The following ZBTB8B variants were observed in gnomAD, a reference collection of about 807,000 sequenced individuals.
ZBTB8B encodes the protein zinc finger and BTB domain containing 8B.
In ZBTB8B, 17 loss-of-function variants were observed where a neutral mutation model predicts 30.3. The observed-to-expected ratio is 0.56, with a 90% CI of 0.38 to 0.84. The LOEUF is 0.84. Among genes scored for constraint, ZBTB8B ranks in the 40% least tolerant of loss-of-function variants. ZBTB8B has a pLI of 0.00. For synonymous variants in ZBTB8B, 248 were observed against 255.6 expected, an observed-to-expected ratio of 0.97 and a Z score of 0.28; for missense variants, 515 against 644.9, an observed-to-expected ratio of 0.80 and a Z score of 2.18.
chr1:32,472,172 T>C (rs1282467600), intron 2 of ZBTB8B, among the ~76,000 whole-genome samples: 1 of 152,236 alleles, frequency 6.6e-6, no homozygotes, highest in African/African-American at 2.4e-5. Context: ...GCACCTGCTA[T>C]ATGCAGGGCA....
chr1:32,468,951 G>A (rs1412761786), intron 1 of ZBTB8B, among the ~76,000 whole-genome samples: 1 of 151,992 alleles, frequency 6.6e-6, no homozygotes, highest in Non-Finnish European at 1.5e-5. Context: ...GGACTTTGAG[G>A]GGTGGAGGCA....
chr1:32,489,933 G>C lies in ZBTB8B; in HGVS notation c.*4515G>C, dbSNP rs1643768494. 1 of 152,156 alleles carries C rather than the reference G, an allele frequency of 6.6e-6. No individual in the cohort carries two copies. The highest frequency in any genetic ancestry group is 2.4e-5 in the African/African-American group (1 of 41,438). 9.4% of individuals were successfully genotyped at this position (152,156 alleles called of 1,614,324 possible). ...TTGAATATTCCTTAAGGAAGCTGCT[G>C]ACCTAGTGTTCTGCAACATGTTATG... On this transcript the variant is annotated 3_prime_UTR_variant, in exon 4 of 4. Transcript: ENST00000609129.
At chr1:32,482,439 G>A (rs1226206721) in intron 3 of ZBTB8B, among the ~76,000 whole-genome samples, 4 of 152,002 alleles carry the variant, frequency 2.6e-5, no homozygotes, top group Non-Finnish European at 5.9e-5. Context: ...TTGGGAGGCT[G>A]AGGTGGGCAG....
rs1643564651 is a variant in ZBTB8B, at chr1:32,465,542, G to A, written c.-42+437G>A. Among the ~76,000 whole-genome samples the A allele has an allele frequency of 6.6e-6, 1 of 152,246 alleles. No individual in the cohort carries two copies. Among genetic ancestry groups the A allele is most frequent in the South Asian group, 2.1e-4 (1 of 4,832 alleles). ...AGCTGGTTCTGGTGGCCTCTCTGCA[G>A]GTCGTCTGATGCTGGACGGGGGAGG... On this transcript the variant is annotated intron_variant, in intron 1 of 3. Transcript: ENST00000609129. The surrounding 1 kb of genome is among the most constrained non-coding windows in gnomAD (Gnocchi z 4.1).
chr1:32,472,106 A>T (rs1222275028), intron 2 of ZBTB8B, among the ~76,000 whole-genome samples: 1 of 152,142 alleles, frequency 6.6e-6, no homozygotes, highest in Non-Finnish European at 1.5e-5. Context: ...TCTCATTATG[A>T]TCATCATCAG....
intron 1 of ZBTB8B, among the ~76,000 whole-genome samples, chr1:32,466,846 G>T (rs897548940): frequency 6.6e-6 from 1 of 151,964 alleles, no homozygotes; most frequent in Non-Finnish European, 1.5e-5. Context: ...TATCTACCTG[G>T]CTTACCAACT....
rs774958193 is a variant in ZBTB8B, at chr1:32,487,300, G to C, written c.*1882G>C. On this transcript the variant is annotated 3_prime_UTR_variant, in exon 4 of 4. Coordinates refer to ENST00000609129, the MANE Select transcript of ZBTB8B (RefSeq NM_001145720.2). ...ACAGAGAGGCCCTGTTCTGTAAACTGTTTTCTACCAGTCTGCTACAAGGAA... is the reference window on the plus strand; with the variant it reads ...ACAGAGAGGCCCTGTTCTGTAAACTCTTTTCTACCAGTCTGCTACAAGGAA... The C allele has an allele frequency of 3.3e-5, 5 of 152,188 alleles. No individual in the cohort carries two copies. The highest frequency in any genetic ancestry group is 2.4e-5 in the African/African-American group (1 of 41,450). 9.4% of individuals were successfully genotyped at this position (152,188 alleles called of 1,614,324 possible).
At position 32,486,918 on chromosome 1, in the gene ZBTB8B, C is replaced by T. The variant is rs1643750071; in HGVS notation, c.*1500C>T. Reference sequence around the variant, plus strand: ...AGAACAGGTTTTTAAAAGCAGTCTACCTTTCGCCCACTTTCCAGCCACACA... The same window carrying T: ...AGAACAGGTTTTTAAAAGCAGTCTATCTTTCGCCCACTTTCCAGCCACACA... On this transcript the variant is annotated 3_prime_UTR_variant, in exon 4 of 4. Transcript: ENST00000609129. 1 of 152,144 alleles carries T rather than the reference C, an allele frequency of 6.6e-6. No individual in the cohort carries two copies. Among genetic ancestry groups the T allele is most frequent in the Admixed American group, 6.5e-5 (1 of 15,270 alleles). 9.4% of individuals were successfully genotyped at this position (152,144 alleles called of 1,614,324 possible). A position where few individuals can be genotyped will look rare whatever the true frequency, so the allele number is the denominator to read the frequency against.
rs1268662120 is a variant in ZBTB8B at position 32,471,416 on chromosome 1, C to T, written c.792C>T (p.Ser264=). The change falls in exon 2 of 4, where the codon AGC becomes AGT. Residue 264 remains serine, a synonymous_variant. Transcript: ENST00000609129. ...NLAHVEEALP[S]GQAVDLAYSN... is the part of the protein sequence containing the mutation. ...CCCACGTGGAGGAGGCCTTGCCAAG[C>T]GGCCAGGCGGTTGACTTGGCTTACA... The T allele has an allele frequency of 2.6e-6, 4 of 1,551,826 alleles. No homozygotes were observed. Among genetic ancestry groups the T allele is most frequent in the East Asian group, 2.4e-5 (1 of 40,932 alleles).
chr1:32,484,464 G>A lies in ZBTB8B; in HGVS notation c.1171-637G>A, dbSNP rs1643729106. On this transcript the variant is annotated intron_variant, in intron 3 of 3. Coordinates refer to ENST00000609129, the MANE Select transcript of ZBTB8B (RefSeq NM_001145720.2). The surrounding 1 kb of genome is among the most constrained non-coding windows in gnomAD (Gnocchi z 4.5). The stretch of plus-strand genomic sequence containing the variant: ...TTCCAAGGTGTTCATAAGGGGTGAA[G>A]GGTTGATGATGGGCAGAAGGGAATG... Among the ~76,000 whole-genome samples the A allele has an allele frequency of 6.6e-6, 1 of 152,166 alleles. No individual in the cohort carries two copies.
At chr1:32,475,447 G>A (rs566375100) in intron 2 of ZBTB8B, among the ~76,000 whole-genome samples, 14 of 152,206 alleles carry the variant, frequency 9.2e-5, no homozygotes, top group East Asian at 7.8e-4. Context: ...TTAGCCAGGC[G>A]TGGTGGCGAG....
chr1:32,491,779 C>T lies in ZBTB8B; in HGVS notation c.*6361C>T, dbSNP rs935315545. Reference sequence around the variant, plus strand: ...GTCCAGATGCAGTTTACCAATTGGGCATCATGTCTACCATATGTAACATTG... The same window carrying T: ...GTCCAGATGCAGTTTACCAATTGGGTATCATGTCTACCATATGTAACATTG... On this transcript the variant is annotated 3_prime_UTR_variant, in exon 4 of 4. Coordinates refer to ENST00000609129, the MANE Select transcript of ZBTB8B (RefSeq NM_001145720.2). 3.3e-5 allele frequency: 5 copies of T among 152,208 alleles called. No individual in the cohort carries two copies. Among genetic ancestry groups the T allele is most frequent in the African/African-American group, 1.2e-4 (5 of 41,440 alleles). The allele number at this position is 152,208 out of a possible 1,614,324, so 9.4% of individuals were successfully genotyped here. A position where few individuals can be genotyped will look rare whatever the true frequency, so the allele number is the denominator to read the frequency against.
intron 1 of ZBTB8B, 82 bp from the exon 2 acceptor site, chr1:32,470,499 CAAA>C (rs60700558): frequency 0.03 from 10,536 of 346,352 alleles, no homozygotes; most frequent in South Asian, 0.058. Context: ...GACGCTGACT[CAAA>C]AAAAAAAAAA....
chr1:32,494,647 T>G lies in ZBTB8B; in HGVS notation c.*9229T>G, dbSNP rs1374967205. 6.6e-6 allele frequency: 1 copy of G among 152,184 alleles called. No homozygotes were observed. Among genetic ancestry groups the G allele is most frequent in the African/African-American group, 2.4e-5 (1 of 41,436 alleles). 9.4% of individuals were successfully genotyped at this position (152,184 alleles called of 1,614,324 possible). On this transcript the variant is annotated 3_prime_UTR_variant, in exon 4 of 4. Coordinates refer to ENST00000609129, the MANE Select transcript of ZBTB8B (RefSeq NM_001145720.2). ...ACCATGGAACACACTCACACTCACA[T>G]ACACACAAAAGGCAAATTAAAATAT... is the stretch of plus-strand genomic sequence containing the variant.
chr1:32,485,198 G>C lies in ZBTB8B; in HGVS notation c.1268G>C (p.Ser423Thr). The change falls in exon 4 of 4, where the codon AGC (serine) becomes ACC (threonine). Residue 423 changes from serine to threonine, a missense_variant. Physicochemically the swap from Ser to Thr is moderately conservative, Grantham distance 58 (BLOSUM62 1). This residue lies in a region of ZBTB8B where 429 missense variants were observed against 504.3 expected (regional missense o/e 0.85). Coordinates refer to ENST00000609129, the MANE Select transcript of ZBTB8B (RefSeq NM_001145720.2). ...QGLRRFGLCD[S>T]CTCVTDTPDD... The stretch of plus-strand genomic sequence containing the variant: ...CTGCGGCGCTTCGGGCTGTGTGACA[G>C]CTGCACCTGCGTTACAGACACACCC... 5 of 1,551,948 alleles carry C rather than the reference G, an allele frequency of 3.2e-6. No individual in the cohort carries two copies. The highest frequency in any genetic ancestry group is 1.4e-5 in the African/African-American group (1 of 73,174).
Position 32,465,483 on chromosome 1 carries a change from C to T in ZBTB8B, c.-42+378C>T, listed in dbSNP as rs1480713350. ...GCGGGAGGCCATGGGAGGGGCTAGGCCTTGGGGTCCCACCCTCGGGGGCCG... is the reference window on the plus strand; with the variant it reads ...GCGGGAGGCCATGGGAGGGGCTAGGTCTTGGGGTCCCACCCTCGGGGGCCG... On this transcript the variant is annotated intron_variant, in intron 1 of 3. Transcript: ENST00000609129. This position sits in a 1 kb window ranked among gnomAD's most constrained non-coding sequence, Gnocchi z 4.1. Among the ~76,000 whole-genome samples the T allele has an allele frequency of 2.6e-5, 4 of 152,242 alleles. No homozygotes were observed. The highest frequency in any genetic ancestry group is 9.6e-5 in the African/African-American group (4 of 41,470).
rs1003084368 is a variant in ZBTB8B at position 32,487,314 on chromosome 1, T to C, written c.*1896T>C. 1 of 152,218 alleles carries C rather than the reference T, an allele frequency of 6.6e-6. No individual in the cohort carries two copies. Among genetic ancestry groups the C allele is most frequent in the Non-Finnish European group, 1.5e-5 (1 of 68,040 alleles). 9.4% of individuals were successfully genotyped at this position (152,218 alleles called of 1,614,324 possible). On this transcript the variant is annotated 3_prime_UTR_variant, in exon 4 of 4. Coordinates refer to ENST00000609129, the MANE Select transcript of ZBTB8B (RefSeq NM_001145720.2). ...TTCTGTAAACTGTTTTCTACCAGTC[T>C]GCTACAAGGAAAGTCAGAAATTAAG...
rs965198734 is a variant in ZBTB8B at position 32,488,489 on chromosome 1, T to A, written c.*3071T>A. On this transcript the variant is annotated 3_prime_UTR_variant, in exon 4 of 4. Transcript: ENST00000609129. ...CTTCATATCCCTGGGTAAAACATTT[T>A]ACATTAGAGATTTCACTGTAGGACA... The A allele has an allele frequency of 6.6e-6, 1 of 152,228 alleles. No individual in the cohort carries two copies. Among genetic ancestry groups the A allele is most frequent in the Admixed American group, 6.5e-5 (1 of 15,280 alleles). The allele number at this position is 152,228 out of a possible 1,614,324, so 9.4% of individuals were successfully genotyped here.
At chr1:32,481,465 G>T (rs187836528) in intron 3 of ZBTB8B, among the ~76,000 whole-genome samples, 1 of 152,058 alleles carries the variant, frequency 6.6e-6, no homozygotes, top group African/African-American at 2.4e-5. Context: ...TAAGGGAAGG[G>T]TATACTGCCA....
Sources: gnomAD v4.1 joint callset for allele counts (sites outside exome capture counted in the v4.1 genomes callset) on GRCh38, gnomAD v4.1.1 for gene constraint, gnomAD v4.1.1 regional missense constraint, Gnocchi (gnomAD v3.1) non-coding constraint, MANE v1.5 for transcripts, NCBI Gene and HGNC (gene_info 2026-07-23, HGNC 2026-07-21) for gene names.